TOX3: variants seen among roughly 807,000 people sequenced by gnomAD.
TOX3 encodes CAG trinucleotide repeat-containing gene F9 protein.
TOX3 carries 22 observed loss-of-function variants against 64.3 expected under a neutral mutation model. The ratio of observed to expected loss-of-function variants is 0.34; its 90% CI spans 0.24 to 0.49. The LOEUF (loss-of-function observed/expected upper bound fraction) is 0.49, where lower values mean the gene tolerates loss of function less well. Ranked by LOEUF, TOX3 falls within the 20% of genes least tolerant of loss-of-function variation. TOX3 has a pLI of 0.99. For synonymous variants in TOX3, 291 were observed against 273.6 expected (o/e 1.06, Z -0.63); for missense variants, 661 against 714.4 (o/e 0.93, Z 0.85).
At chr16:52,516,989 T>C (rs1962476088) in intron 1 of TOX3, among the ~76,000 whole-genome samples, 1 of 152,168 alleles carries the variant, frequency 6.6e-6, no homozygotes, top group Admixed American at 6.5e-5. Context: ...ACCTAGAACA[T>C]CATGGACACT....
At chr16:52,464,310 T>G (rs1960789886) in intron 2 of TOX3, 122 bp from the exon 3 acceptor site, 5 of 1,096,704 alleles carry the variant, frequency 4.6e-6, no homozygotes, top group Non-Finnish European at 6.0e-6. Flanking sequence ...AATATTTATT[T>G]CTCAAATGAA....
At chr16:52,475,319 A>G (rs1349910449) in intron 1 of TOX3, among the ~76,000 whole-genome samples, 3 of 152,292 alleles carry the variant, frequency 2.0e-5, no homozygotes, top group East Asian at 3.9e-4. Context: ...AAATAATGAT[A>G]CTCAGAACTG....
At position 52,500,827 on chromosome 16, in the gene TOX3, A is replaced by C. The variant is rs537426441; in HGVS notation, c.88-32253T>G. Among the ~76,000 whole-genome samples the C allele has an allele frequency of 3.3e-5, 5 of 152,286 alleles. No homozygotes were observed. In the South Asian group the frequency reaches 1.0e-3, roughly 32 times the overall value. ...ACTACAGACATGTTAAAATGTGAAA[A>C]ATATGTGTGCCTAAGTCAGTAAAAT... On this transcript the variant is annotated intron_variant, in intron 1 of 6. Coordinates refer to ENST00000219746, the MANE Select transcript of TOX3 (RefSeq NM_001080430.4).
At chr16:52,479,941 T>C (rs1197967302) in intron 1 of TOX3, among the ~76,000 whole-genome samples, 1 of 152,172 alleles carries the variant, frequency 6.6e-6, no homozygotes, top group Non-Finnish European at 1.5e-5. Flanking sequence ...GGAAAAGGCT[T>C]CCTTGGCACC....
At chr16:52,472,485 GT>G (rs892410069) in intron 1 of TOX3, among the ~76,000 whole-genome samples, 1 of 152,038 alleles carries the variant, frequency 6.6e-6, no homozygotes, top group Non-Finnish European at 1.5e-5. Flanking sequence ...AAATGTATTT[GT>G]TTTATTAATA....
intron 4 of TOX3, among the ~76,000 whole-genome samples, chr16:52,446,679 AT>A (rs34933798): frequency 0.75 from 112,629 of 150,824 alleles, 42,112 homozygotes; most frequent in East Asian, 0.94. Flanking sequence ...GTCTGAATTG[AT>A]TTTTTTTTTT....
intron 6 of TOX3, among the ~76,000 whole-genome samples, chr16:52,440,666 C>G (rs1205320622): frequency 1.3e-5 from 2 of 150,900 alleles, no homozygotes; most frequent in East Asian, 2.0e-4. Flanking sequence ...GACTTAACAA[C>G]TTTGTGACAT....
intron 1 of TOX3, among the ~76,000 whole-genome samples, chr16:52,542,515 G>A (rs1963095765): frequency 1.3e-5 from 2 of 152,150 alleles, no homozygotes; most frequent in South Asian, 4.1e-4. Flanking sequence ...GAATTGTAAA[G>A]TATAGAGATA....
intron 3 of TOX3, among the ~76,000 whole-genome samples, chr16:52,459,605 T>C (rs1202623337): frequency 6.6e-6 from 1 of 152,182 alleles, no homozygotes; most frequent in Admixed American, 6.5e-5. Context: ...CATGGCTAAA[T>C]AGTCATCATC....
At chr16:52,528,094 C>T (rs1962763189) in intron 1 of TOX3, among the ~76,000 whole-genome samples, 1 of 152,118 alleles carries the variant, frequency 6.6e-6, no homozygotes, top group Non-Finnish European at 1.5e-5. Context: ...ACTGGTGACC[C>T]CAGATAGTTC....
At chr16:52,524,824 G>A (rs902958735) in intron 1 of TOX3, among the ~76,000 whole-genome samples, 23 of 152,056 alleles carry the variant, frequency 1.5e-4, no homozygotes, top group African/African-American at 5.6e-4. Context: ...TCTCCTTTCT[G>A]AGAACCCCTA....
At chr16:52,515,011 C>CAAA (rs56746564) in intron 1 of TOX3, among the ~76,000 whole-genome samples, 3,102 of 15,834 alleles carry the variant, frequency 0.2, 1,061 homozygotes, top group Non-Finnish European at 0.29. Context: ...GACTCCATCT[C>CAAA]AAAAAAAAAA....
chr16:52,456,032 T>A (rs1248326231), intron 3 of TOX3, among the ~76,000 whole-genome samples: 1 of 152,074 alleles, frequency 6.6e-6, no homozygotes, highest in Non-Finnish European at 1.5e-5. Flanking sequence ...ATACTGCCGA[T>A]AAGGAAATGA....
At chr16:52,491,513 C>A (rs1027313752) in intron 1 of TOX3, among the ~76,000 whole-genome samples, 3 of 152,132 alleles carry the variant, frequency 2.0e-5, no homozygotes, top group Non-Finnish European at 4.4e-5. Flanking sequence ...ATATTTCTAA[C>A]AAGAGCTCAC....
chr16:52,535,126 CA>C (rs1419037261), intron 1 of TOX3, among the ~76,000 whole-genome samples: 4 of 152,162 alleles, frequency 2.6e-5, no homozygotes, highest in Non-Finnish European at 5.9e-5. Context: ...AAGAACACTA[CA>C]GAGTATACAT....
At chr16:52,447,254 C>T (rs780811039) in intron 4 of TOX3, among the ~76,000 whole-genome samples, 4 of 152,166 alleles carry the variant, frequency 2.6e-5, no homozygotes, top group Non-Finnish European at 5.9e-5. Flanking sequence ...AAGAATCCTG[C>T]AATGTTTGAC....
At chr16:52,448,312 G>A (rs762465263) in intron 4 of TOX3, among the ~76,000 whole-genome samples, 7 of 152,186 alleles carry the variant, frequency 4.6e-5, no homozygotes, top group Non-Finnish European at 8.8e-5. Flanking sequence ...TTAAAATGGA[G>A]CAAGCTAGGA....
At chr16:52,519,415 G>C (rs773675653) in intron 1 of TOX3, 1 of 1,551,434 alleles carries the variant, frequency 6.4e-7, no homozygotes, top group South Asian at 1.2e-5. Context: ...CTTTCAGATA[G>C]GTAGTTATCA....
chr16:52,519,500 G>A, intron 1 of TOX3: 1 of 1,550,966 alleles, frequency 6.4e-7, no homozygotes, highest in Non-Finnish European at 8.7e-7. Context: ...CATCTTCTAT[G>A]AGTATCTAAA....
Sources: gnomAD v4.1 joint callset for allele counts (sites outside exome capture counted in the v4.1 genomes callset) on GRCh38, gnomAD v4.1.1 for gene constraint, MANE v1.5 for transcripts, NCBI Gene and HGNC (gene_info 2026-07-23, HGNC 2026-07-21) for gene names.